The following DGKI variants were observed in gnomAD, a reference collection of about 807,000 sequenced individuals.
DGKI encodes the protein diacylglycerol kinase iota.
In DGKI, 55 loss-of-function variants were observed where a neutral mutation model predicts 147.5. The observed-to-expected ratio is 0.37, with a 90% CI of 0.30 to 0.47. The LOEUF (loss-of-function observed/expected upper bound fraction) is 0.47. Among genes scored for constraint, DGKI ranks in the 20% least tolerant of loss-of-function variants. The probability of loss-of-function intolerance (pLI) is 1.00; values close to 1 mark genes in which losing one functional copy is unlikely to be tolerated. For missense variants in DGKI, 1,007 were observed against 1,323.8 expected, an observed-to-expected ratio of 0.76 and a Z score of 3.71; for synonymous variants, 469 against 477.1, an observed-to-expected ratio of 0.98 and a Z score of 0.22.
At chr7:137,642,929 AGTGTGTGTGTGTGTGT>A (rs1207086851) in intron 6 of DGKI, among the ~76,000 whole-genome samples, 7 of 121,206 alleles carry the variant, frequency 5.8e-5, no homozygotes, top group East Asian at 2.5e-4. Context: ...ATTATGGAAT[AGTGTGTGTGTGTGTGT>A]GTGTGTGTGT....
At chr7:137,503,675 A>G (rs1409751091) in intron 21 of DGKI, among the ~76,000 whole-genome samples, 1 of 152,100 alleles carries the variant, frequency 6.6e-6, no homozygotes, top group Non-Finnish European at 1.5e-5. Context: ...ACGATTCCAG[A>G]TACTTTTGAT....
intron 28 of DGKI, among the ~76,000 whole-genome samples, chr7:137,414,784 T>C (rs1439882757): frequency 1.3e-5 from 2 of 152,262 alleles, no homozygotes; most frequent in East Asian, 3.9e-4. Flanking sequence ...ATGTGAACAA[T>C]GCTCTCAACT....
chr7:137,805,259 T>A (rs1003649568), intron 1 of DGKI, among the ~76,000 whole-genome samples: 6 of 152,364 alleles, frequency 3.9e-5, no homozygotes, highest in Middle Eastern at 3.4e-3. Context: ...AAGCTAGAGC[T>A]GACTCACATT....
At chr7:137,746,706 T>C (rs1446487123) in intron 1 of DGKI, among the ~76,000 whole-genome samples, 2 of 152,086 alleles carry the variant, frequency 1.3e-5, no homozygotes, top group Non-Finnish European at 1.5e-5. Flanking sequence ...AAGGAGACTC[T>C]GAAGTTTAGG....
intron 28 of DGKI, among the ~76,000 whole-genome samples, chr7:137,429,366 G>C (rs1193275390): frequency 2.0e-5 from 3 of 152,106 alleles, no homozygotes; most frequent in South Asian, 4.1e-4. Context: ...AAAGCTGAAA[G>C]TGGATCCCTT....
chr7:137,547,812 C>G (rs905948734), intron 20 of DGKI, among the ~76,000 whole-genome samples: 3 of 152,176 alleles, frequency 2.0e-5, no homozygotes, highest in Non-Finnish European at 4.4e-5. Context: ...AAAGGTACAT[C>G]TAACAGCTAG....
Position 137,702,155 on chromosome 7 carries a change from A to T in DGKI, c.402-12153T>A, listed in dbSNP as rs146488370. 6.6e-3 allele frequency among the ~76,000 whole-genome samples: 1,000 copies of T among 152,350 alleles called. 14 individuals carry two copies. Among genetic ancestry groups the T allele is most frequent in the African/African-American group, 0.022 (916 of 41,584 alleles). ...TTATACAGATAATACATCAAGAAGGATCACAGATAGAAACCTAAAAGTTAA... is the reference window on the plus strand; with the variant it reads ...TTATACAGATAATACATCAAGAAGGTTCACAGATAGAAACCTAAAAGTTAA... On this transcript the variant is annotated intron_variant, in intron 1 of 32. Transcript: ENST00000614521.
chr7:137,521,329 G>A (rs775543421), intron 21 of DGKI, among the ~76,000 whole-genome samples: 11 of 152,012 alleles, frequency 7.2e-5, no homozygotes, highest in South Asian at 2.1e-4. Context: ...TTCATACGTC[G>A]ACTCAAGTGC....
intron 19 of DGKI, among the ~76,000 whole-genome samples, chr7:137,558,558 G>A (rs1818305424): frequency 6.6e-6 from 1 of 151,468 alleles, no homozygotes; most frequent in African/African-American, 2.4e-5. Context: ...GATTATAGGT[G>A]TGAGCCACTG....
chr7:137,432,819 C>T lies in DGKI; in HGVS notation c.2761+11258G>A, dbSNP rs1363568371. On this transcript the variant is annotated intron_variant, in intron 28 of 32. Coordinates refer to ENST00000614521, the MANE Select transcript of DGKI (RefSeq NM_001321708.2). Reference sequence around the variant, plus strand: ...CATTAGGTAGTAATACAAGGTCCTTCCTTCCCAATATTTCCCTGGTAAGGC... The same window carrying T: ...CATTAGGTAGTAATACAAGGTCCTTTCTTCCCAATATTTCCCTGGTAAGGC... Among the ~76,000 whole-genome samples the T allele has an allele frequency of 2.0e-5, 3 of 152,294 alleles. No homozygotes were observed. The East Asian group carries it at 5.8e-4, about 29-fold the overall frequency.
chr7:137,392,604 A>T (rs1002155843), intron 32 of DGKI, among the ~76,000 whole-genome samples: 1 of 152,192 alleles, frequency 6.6e-6, no homozygotes, highest in African/African-American at 2.4e-5. Flanking sequence ...ATGGCTCTAG[A>T]ATCTTTCTAA....
chr7:137,760,232 G>A (rs1795816983), intron 1 of DGKI, among the ~76,000 whole-genome samples: 1 of 152,112 alleles, frequency 6.6e-6, no homozygotes, highest in Non-Finnish European at 1.5e-5. Context: ...GAGCCCTGCG[G>A]GAAGAAACGG....
chr7:137,475,638 T>A (rs369272872), intron 23 of DGKI, among the ~76,000 whole-genome samples: 1 of 152,214 alleles, frequency 6.6e-6, no homozygotes, highest in African/African-American at 2.4e-5. Context: ...ATGCAAGGCA[T>A]GTGACGGAAG....
intron 27 of DGKI, among the ~76,000 whole-genome samples, chr7:137,445,432 C>A (rs547587403): frequency 6.6e-6 from 1 of 152,058 alleles, no homozygotes; most frequent in African/African-American, 2.4e-5. Flanking sequence ...CGGAAACCTG[C>A]CACAATCCCT....
chr7:137,825,615 GAC>G (rs954037865), intron 1 of DGKI, among the ~76,000 whole-genome samples: 3 of 151,134 alleles, frequency 2.0e-5, no homozygotes, highest in African/African-American at 4.9e-5. Context: ...CCAACACACA[GAC>G]ACACACACAC....
intron 7 of DGKI, among the ~76,000 whole-genome samples, chr7:137,621,983 T>C (rs1397451534): frequency 6.6e-6 from 1 of 152,244 alleles, no homozygotes; most frequent in Admixed American, 6.5e-5. Flanking sequence ...ATTGCCTTGC[T>C]GGTACAGAGT....
intron 1 of DGKI, among the ~76,000 whole-genome samples, chr7:137,753,318 C>T (rs1201667466): frequency 2.0e-5 from 3 of 152,146 alleles, no homozygotes; most frequent in Admixed American, 1.3e-4. Flanking sequence ...TAGACACTGC[C>T]CCGGAAAGTG....
intron 21 of DGKI, among the ~76,000 whole-genome samples, chr7:137,505,586 C>T (rs903621583): frequency 6.6e-6 from 1 of 151,868 alleles, no homozygotes; most frequent in Non-Finnish European, 1.5e-5. Context: ...GGCAAGGGTG[C>T]CATGAAATCA....
intron 21 of DGKI, among the ~76,000 whole-genome samples, chr7:137,496,698 A>G (rs1418274490): frequency 2.0e-5 from 3 of 152,088 alleles, no homozygotes; most frequent in African/African-American, 7.2e-5. Flanking sequence ...AAGTAATGGG[A>G]AGAGGACTCC....
Sources: allele counts gnomAD v4.1 joint callset (sites outside exome capture counted in the v4.1 genomes callset), GRCh38; gene constraint gnomAD v4.1.1; transcripts MANE v1.5; gene names NCBI Gene and HGNC (gene_info 2026-07-23, HGNC 2026-07-21).